NOS1: variants seen among roughly 807,000 people sequenced by gnomAD.
The protein encoded by NOS1 is NOS type I.
A neutral mutation model predicts 164.5 loss-of-function variants in NOS1; 51 were observed. The ratio of observed to expected loss-of-function variants is 0.31; its 90% CI spans 0.25 to 0.39. NOS1 has a LOEUF of 0.39. Ranked by LOEUF, NOS1 falls within the 10% of genes least tolerant of loss-of-function variation. The pLI is 1.00. For missense variants in NOS1, 1,362 were observed against 1,885.6 expected, an observed-to-expected ratio of 0.72 and a Z score of 5.14; for synonymous variants, 719 against 745.8, an observed-to-expected ratio of 0.96 and a Z score of 0.59.
Position 117,285,342 on chromosome 12 carries a change from G to A in NOS1, c.1291-10C>T. Reference sequence around the variant, plus strand: ...CACGGGCATCGAATACCTGGAAGAGGCACAGGGCGGAACTGATTGCCTCTT... The same window carrying A: ...CACGGGCATCGAATACCTGGAAGAGACACAGGGCGGAACTGATTGCCTCTT... On this transcript the variant is annotated splice_polypyrimidine_tract_variant and intron_variant, in intron 6 of 28. Coordinates refer to ENST00000317775, the MANE Select transcript of NOS1 (RefSeq NM_000620.5). 2 of 1,597,842 alleles carry A rather than the reference G, an allele frequency of 1.3e-6. No individual in the cohort carries two copies. The highest frequency in any genetic ancestry group is 1.7e-6 in the Non-Finnish European group (2 of 1,168,098).
At chr12:117,300,108 A>AGGAAAT (rs1873716075) in intron 3 of NOS1, among the ~76,000 whole-genome samples, 1 of 152,180 alleles carries the variant, frequency 6.6e-6, no homozygotes, top group Admixed American at 6.5e-5. Flanking sequence ...TGGGAACCTC[A>AGGAAAT]GGAAATGGAA....
rs372244034 is a variant in NOS1 at position 117,215,232 on chromosome 12, G to T, written c.*77C>A. 3.9e-5 allele frequency: 56 copies of T among 1,423,494 alleles called. No homozygotes were observed. The African/African-American group carries it at 6.5e-4, about 17-fold the overall frequency. The allele number at this position is 1,423,494 out of a possible 1,614,324, so 88.2% of individuals were successfully genotyped here. ...GACAGGAGGCAGAGCGAGGGCCACA[G>T]GGGGTCCCAGAGGAAAGGTTCAGCA... On this transcript the variant is annotated 3_prime_UTR_variant, in exon 29 of 29. Transcript: ENST00000317775.
chr12:117,226,524 TG>T (rs1868687340), intron 24 of NOS1, among the ~76,000 whole-genome samples, 158 bp downstream of exon 24: 1 of 152,204 alleles, frequency 6.6e-6, no homozygotes, highest in South Asian at 2.1e-4. Flanking sequence ...GCTCTGATCT[TG>T]TTTCCTTAAC....
chr12:117,236,863 G>A (rs1054486732), intron 20 of NOS1, among the ~76,000 whole-genome samples: 2 of 152,236 alleles, frequency 1.3e-5, no homozygotes, highest in Non-Finnish European at 2.9e-5. Flanking sequence ...GAGGCAGAGG[G>A]TGGCCGTGCA....
intron 28 of NOS1, among the ~76,000 whole-genome samples, chr12:117,217,409 A>G (rs1329831469): frequency 6.6e-6 from 1 of 152,130 alleles, no homozygotes; most frequent in Non-Finnish European, 1.5e-5. Flanking sequence ...TTCTGGTAGA[A>G]ATGTCACAAC....
chr12:117,267,655 A>G lies in NOS1; in HGVS notation c.1941+388T>C, dbSNP rs112958860. Among the ~76,000 whole-genome samples the G allele has an allele frequency of 3.1e-3, 477 of 151,896 alleles. 2 individuals are homozygous for G. The highest frequency in any genetic ancestry group is 0.011 in the African/African-American group (458 of 41,432). On this transcript the variant is annotated intron_variant, in intron 11 of 28. Coordinates refer to ENST00000317775, the MANE Select transcript of NOS1 (RefSeq NM_000620.5). ...CAGCCATCCTGCTATAATGCCATTT[A>G]GCACAGCCTCATGCATTTATTTAGG...
intron 8 of NOS1, among the ~76,000 whole-genome samples, chr12:117,280,466 A>G (rs555488676): frequency 3.3e-5 from 5 of 152,062 alleles, no homozygotes; most frequent in Non-Finnish European, 5.9e-5. Context: ...CCTTGGTGAG[A>G]CTCGGTCTAC....
chr12:117,218,050 C>A lies in NOS1; in HGVS notation c.4285G>T (p.Asp1429Tyr). The change falls in exon 28 of 29, where the codon GAT (aspartate) becomes TAT (tyrosine). Residue 1429 changes from aspartate to tyrosine, a missense_variant. Coordinates refer to ENST00000317775, the MANE Select transcript of NOS1 (RefSeq NM_000620.5). ...AFIEESKKDT[D>Y]EVFSS Reference sequence around the variant, plus strand: ...CCAGGGATGGAGCCAGCTTACTCATCGGTGTCTTTTTTGCTCTCTTCAATG... The same window carrying A: ...CCAGGGATGGAGCCAGCTTACTCATAGGTGTCTTTTTTGCTCTCTTCAATG... 6.2e-7 allele frequency: 1 copy of A among 1,610,272 alleles called. No homozygotes were observed.
Position 117,305,537 on chromosome 12 carries a change from G to A in NOS1, c.852+5929C>T, listed in dbSNP as rs113640099. Among the ~76,000 whole-genome samples, 585 of 152,104 alleles carry A rather than the reference G, an allele frequency of 3.8e-3. 4 individuals carry two copies. The highest frequency in any genetic ancestry group is 0.013 in the African/African-American group (535 of 41,526). On this transcript the variant is annotated intron_variant, in intron 3 of 28. Transcript: ENST00000317775. ...TTTGAGCAGGTAGAGGCGAGGTTAG[G>A]AGATCATCTTTCAGGATGGAAAAAA...
Position 117,213,202 on chromosome 12 carries a change from G to A in NOS1, c.*2107C>T. 1 of 985,436 alleles carries A rather than the reference G, an allele frequency of 1.0e-6. No homozygotes were observed. The highest frequency in any genetic ancestry group is 1.2e-6 in the Non-Finnish European group (1 of 829,946). 61.0% of individuals were successfully genotyped at this position (985,436 alleles called of 1,614,324 possible). ...AAGCACTGATCAATTTGTCTTTAATGGGGATTGGACACAACAGTTTCCTTC... is the reference window on the plus strand; with the variant it reads ...AAGCACTGATCAATTTGTCTTTAATAGGGATTGGACACAACAGTTTCCTTC... On this transcript the variant is annotated 3_prime_UTR_variant, in exon 29 of 29. Coordinates refer to ENST00000317775, the MANE Select transcript of NOS1 (RefSeq NM_000620.5).
In NOS1 at chr12:117,225,266, C is replaced by G. The variant is rs567850032; in HGVS notation, c.3705-129G>C. ...GAGACTTAAGGCTCTTCAGCCGGGG[C>G]CAGGTGCCCCTTTCCAGGGTGGGAG... On this transcript the variant is annotated intron_variant, in intron 24 of 28. Transcript: ENST00000317775. 27 of 1,224,236 alleles carry G rather than the reference C, an allele frequency of 2.2e-5. 1 individual carries two copies. The highest frequency in any genetic ancestry group is 3.1e-5 in the South Asian group (2 of 64,876). 75.8% of individuals were successfully genotyped at this position (1,224,236 alleles called of 1,614,324 possible).
Position 117,227,609 on chromosome 12 carries a change from GC to G in NOS1, c.3437del (p.Gly1146AlafsTer24), listed in dbSNP as rs771624759. On this transcript the variant is annotated frameshift_variant, in exon 23 of 29. Coordinates refer to ENST00000317775, the MANE Select transcript of NOS1 (RefSeq NM_000620.5). LOFTEE classifies it high-confidence loss of function. ...GLQEYEEWKW[G>X]KNPTIVEVLE... ...GCACCTCCACGATGGTGGGGTTCTTGCCCCATTTCCATTCCTCGTACTCCTG... is the reference window on the plus strand; with the variant it reads ...GCACCTCCACGATGGTGGGGTTCTTGCCCATTTCCATTCCTCGTACTCCTG... The G allele has an allele frequency of 6.2e-7, 1 of 1,614,062 alleles. No individual in the cohort carries two copies. The highest frequency in any genetic ancestry group is 8.5e-7 in the Non-Finnish European group (1 of 1,179,940).
At chr12:117,336,092 C>T (rs1272367606) in intron 1 of NOS1, among the ~76,000 whole-genome samples, 3 of 152,180 alleles carry the variant, frequency 2.0e-5, no homozygotes, top group Non-Finnish European at 4.4e-5. Flanking sequence ...AGACCTGGGT[C>T]TAAGTGAGTG....
chr12:117,336,823 G>A (rs1383324750), intron 1 of NOS1, among the ~76,000 whole-genome samples: 1 of 151,968 alleles, frequency 6.6e-6, no homozygotes, highest in Non-Finnish European at 1.5e-5. Flanking sequence ...GTGAGACAGG[G>A]TCTCACTCTG....
At position 117,211,724 on chromosome 12, in the gene NOS1, A is replaced by G; in HGVS notation, c.*3585T>C. On this transcript the variant is annotated 3_prime_UTR_variant, in exon 29 of 29. Coordinates refer to ENST00000317775, the MANE Select transcript of NOS1 (RefSeq NM_000620.5). ...CAGTGAAATCCCGCCCATTTCTCAA[A>G]CCCCAGAAATTTATGTCAGTTCCAA... 11 of 985,348 alleles carry G rather than the reference A, an allele frequency of 1.1e-5. No homozygotes were observed. The highest frequency in any genetic ancestry group is 1.3e-5 in the Non-Finnish European group (11 of 829,978). The allele number at this position is 985,348 out of a possible 1,614,324, so 61.0% of individuals were successfully genotyped here.
intron 8 of NOS1, among the ~76,000 whole-genome samples, 187 bp from the exon 9 acceptor site, chr12:117,278,285 T>C (rs905130676): frequency 3.3e-5 from 5 of 152,200 alleles, no homozygotes; most frequent in African/African-American, 7.2e-5. Context: ...ATGTATTAGG[T>C]TGGTGCAAAA....
chr12:117,224,554 G>T (rs1868479891), intron 25 of NOS1, among the ~76,000 whole-genome samples: 2 of 152,162 alleles, frequency 1.3e-5, no homozygotes, highest in South Asian at 2.1e-4. Context: ...CAAAGTGCTG[G>T]GATTACAGGC....
chr12:117,253,581 A>G, intron 17 of NOS1, 57 bp downstream of exon 17: 3 of 1,205,046 alleles, frequency 2.5e-6, no homozygotes, highest in Non-Finnish European at 3.7e-6. Context: ...AAGTAGGTCA[A>G]GCTCCCCAGG....
chr12:117,310,288 T>C (rs1458146742), intron 3 of NOS1, among the ~76,000 whole-genome samples: 1 of 152,184 alleles, frequency 6.6e-6, no homozygotes, highest in South Asian at 2.1e-4. Flanking sequence ...GGCACTGTCA[T>C]AGCAAAATAT....
Sources: allele counts gnomAD v4.1 joint callset (sites outside exome capture counted in the v4.1 genomes callset), GRCh38; gene constraint gnomAD v4.1.1; transcripts MANE v1.5; gene names NCBI Gene and HGNC (gene_info 2026-07-23, HGNC 2026-07-21).